The following CRTAC1 variants were observed in gnomAD, a reference collection of about 807,000 sequenced individuals.
The protein encoded by CRTAC1 is acidic secreted protein in cartilage.
CRTAC1 carries 37 observed loss-of-function variants against 67.8 expected under a neutral mutation model. That is an observed-to-expected ratio of 0.55 (90% CI 0.42 to 0.72). The LOEUF is 0.72. CRTAC1 is among the 30% of genes least tolerant of loss of function. CRTAC1 has a pLI of 0.00. For missense variants in CRTAC1, 780 were observed against 931.6 expected (o/e 0.84, Z 2.12); for synonymous variants, 348 against 371.0 (o/e 0.94, Z 0.71).
chr10:97,967,568 T>C (rs926153761), intron 2 of CRTAC1, among the ~76,000 whole-genome samples: 1 of 152,228 alleles, frequency 6.6e-6, no homozygotes, highest in Non-Finnish European at 1.5e-5. Flanking sequence ...CTAACCCATG[T>C]ATAGACATTT....
chr10:97,910,237 A>T (rs531225219), intron 5 of CRTAC1, among the ~76,000 whole-genome samples: 1 of 152,362 alleles, frequency 6.6e-6, no homozygotes, highest in South Asian at 2.1e-4. Context: ...GAGATAATGC[A>T]TATGTTGATT....
chr10:97,993,481 A>T (rs1044388647), intron 2 of CRTAC1, among the ~76,000 whole-genome samples: 1 of 152,192 alleles, frequency 6.6e-6, no homozygotes, highest in Non-Finnish European at 1.5e-5. Flanking sequence ...TATATGCCTT[A>T]TCTCTCTTAT....
At chr10:98,009,017 C>T (rs1842854551) in intron 2 of CRTAC1, among the ~76,000 whole-genome samples, 1 of 152,130 alleles carries the variant, frequency 6.6e-6, no homozygotes, top group Non-Finnish European at 1.5e-5. Context: ...GGGTGTCTCC[C>T]TGATTCAGAG....
In CRTAC1 at chr10:97,904,678, G is replaced by T; in HGVS notation, c.987C>A (p.Val329=). 1 of 1,554,808 alleles carries T rather than the reference G, an allele frequency of 6.4e-7. No individual in the cohort carries two copies. Among genetic ancestry groups the T allele is most frequent in the Non-Finnish European group, 8.7e-7 (1 of 1,153,840 alleles). Residue 329 remains valine, a synonymous_variant, in exon 7 of 15, where the codon GTC becomes GTA. Transcript: ENST00000370597. ...TGAGGCCCCTTCTTACCCGGAAGCG[G>T]ACCTTCCCATGGGTGCTCATTTGCA... is the stretch of plus-strand genomic sequence containing the variant. The part of the protein sequence containing the change: ...LYLQMSTHGK[V]RFRDIASPKF...
intron 2 of CRTAC1, among the ~76,000 whole-genome samples, chr10:98,000,450 G>A (rs974675061): frequency 6.6e-6 from 1 of 152,216 alleles, no homozygotes; most frequent in African/African-American, 2.4e-5. Context: ...CCAGCACCTG[G>A]AGCTGCCCGC....
intron 5 of CRTAC1, among the ~76,000 whole-genome samples, chr10:97,914,593 T>G (rs114016254): frequency 1.3e-5 from 2 of 152,028 alleles, no homozygotes; most frequent in Non-Finnish European, 2.9e-5. Context: ...CACCTGCTAG[T>G]TCAATGTCCT....
intron 2 of CRTAC1, among the ~76,000 whole-genome samples, chr10:97,942,446 G>A (rs1295112327): frequency 1.3e-5 from 2 of 152,158 alleles, no homozygotes; most frequent in African/African-American, 4.8e-5. Flanking sequence ...ATGAAAAAGA[G>A]CTTTCAGCAC....
intron 2 of CRTAC1, among the ~76,000 whole-genome samples, chr10:97,990,435 T>G (rs1564925503): frequency 6.6e-6 from 1 of 152,234 alleles, no homozygotes; most frequent in Non-Finnish European, 1.5e-5. Flanking sequence ...ATATCACCTC[T>G]TGATTATCCA....
In CRTAC1 at chr10:97,917,634, T is replaced by C; in HGVS notation, c.581A>G (p.Tyr194Cys). ...ATTACCGTAGGCGTAATTGGCAATG[T>C]AGATAGAGTAGCGTCCAGAGCCCTG... ...DRKGSGRYSI[Y>C]IANYAYGNVG... The change falls in exon 5 of 15, where the codon TAC (tyrosine) becomes TGC (cysteine). Residue 194 changes from tyrosine (Y) to cysteine (C), a missense_variant. Coordinates refer to ENST00000370597, the MANE Select transcript of CRTAC1 (RefSeq NM_018058.7). The C allele has an allele frequency of 6.3e-7, 1 of 1,588,278 alleles. No individual in the cohort carries two copies.
intron 5 of CRTAC1, 144 bp from the exon 6 acceptor site, chr10:97,908,291 C>T: frequency 3.7e-6 from 3 of 821,130 alleles, no homozygotes. Context: ...CCGTGCTTTC[C>T]TGAGCCTAAA....
At chr10:97,876,236 G>C (rs369203381) in intron 14 of CRTAC1, among the ~76,000 whole-genome samples, 1 of 152,206 alleles carries the variant, frequency 6.6e-6, no homozygotes, top group African/African-American at 2.4e-5. Flanking sequence ...GCCTTCGTCT[G>C]TCTGGGCTGT....
intron 5 of CRTAC1, among the ~76,000 whole-genome samples, chr10:97,916,929 C>T (rs1275768319): frequency 6.6e-6 from 1 of 151,778 alleles, no homozygotes; most frequent in African/African-American, 2.4e-5. Context: ...GGTCCCCCAA[C>T]CAGAAAGATG....
chr10:97,907,942 G>A, intron 6 of CRTAC1, 71 bp downstream of exon 6: 1 of 1,554,990 alleles, frequency 6.4e-7, no homozygotes, highest in Non-Finnish European at 8.8e-7. Context: ...GAGGGGGCAG[G>A]GCAGTCTGGA....
intron 14 of CRTAC1, chr10:97,878,409 T>C (rs2050170999): frequency 4.6e-6 from 1 of 217,466 alleles, no homozygotes; most frequent in African/African-American, 2.3e-5. Context: ...TATTTTGTGA[T>C]TTATTAGGAG....
At chr10:97,937,347 C>T (rs1443981813) in intron 2 of CRTAC1, among the ~76,000 whole-genome samples, 2 of 152,102 alleles carry the variant, frequency 1.3e-5, no homozygotes, top group African/African-American at 4.8e-5. Flanking sequence ...CTTGCCTGCC[C>T]ATGCTCCCAA....
At chr10:97,874,069 T>G (rs914596094) in intron 14 of CRTAC1, among the ~76,000 whole-genome samples, 1 of 152,210 alleles carries the variant, frequency 6.6e-6, no homozygotes, top group Admixed American at 6.5e-5. Context: ...CCTGGAGCTT[T>G]CTGGAGAAGG....
chr10:97,995,486 CA>C (rs1409932844), intron 2 of CRTAC1, among the ~76,000 whole-genome samples: 4 of 152,178 alleles, frequency 2.6e-5, no homozygotes, highest in African/African-American at 7.2e-5. Flanking sequence ...AGAAAGAACA[CA>C]AGCTTTGGAT....
chr10:97,890,960 C>A (rs2050363223), intron 11 of CRTAC1, among the ~76,000 whole-genome samples: 1 of 152,230 alleles, frequency 6.6e-6, no homozygotes, highest in African/African-American at 2.4e-5. Flanking sequence ...AGCCACTGCA[C>A]CCGGCTGCAT....
intron 2 of CRTAC1, among the ~76,000 whole-genome samples, chr10:97,940,009 C>A (rs1422189903): frequency 6.6e-6 from 1 of 152,184 alleles, no homozygotes; most frequent in Non-Finnish European, 1.5e-5. Context: ...TGAAACAATG[C>A]TTGGCACAGA....
Sources: gnomAD v4.1 joint callset for allele counts (sites outside exome capture counted in the v4.1 genomes callset) on GRCh38, gnomAD v4.1.1 for gene constraint, MANE v1.5 for transcripts, NCBI Gene and HGNC (gene_info 2026-07-23, HGNC 2026-07-21) for gene names.